Variants in NAB1 observed in about 807,000 individuals in gnomAD.
NAB1 encodes the protein NGFI-A binding protein 1, also known as NGFI-A-binding protein 1.
In NAB1, 25 loss-of-function variants were observed where a neutral mutation model predicts 49.9. The ratio of observed to expected loss-of-function variants is 0.50; its 90% CI spans 0.37 to 0.70. NAB1 has a LOEUF of 0.70. Among genes scored for constraint, NAB1 ranks in the 30% least tolerant of loss-of-function variants. NAB1 has a pLI of 0.00. For missense variants in NAB1, 489 were observed against 575.9 expected (o/e 0.85, Z 1.54); for synonymous variants, 198 against 215.6 (o/e 0.92, Z 0.71).
At chr2:190,658,818 ACTAT>A (rs1423727461) in intron 3 of NAB1, among the ~76,000 whole-genome samples, 1 of 152,246 alleles carries the variant, frequency 6.6e-6, no homozygotes, top group African/African-American at 2.4e-5. Context: ...GCTAAATTTG[ACTAT>A]CTTTCACTCC....
At chr2:190,668,027 C>G (rs1209898169) in intron 4 of NAB1, among the ~76,000 whole-genome samples, 1 of 151,984 alleles carries the variant, frequency 6.6e-6, no homozygotes, top group Non-Finnish European at 1.5e-5. Flanking sequence ...GTTTCATAGT[C>G]AAAGGGATGC....
chr2:190,653,969 CCT>C (rs2125563065), intron 2 of NAB1, among the ~76,000 whole-genome samples: 1 of 152,114 alleles, frequency 6.6e-6, no homozygotes, highest in East Asian at 1.9e-4. Flanking sequence ...AACAGGATGC[CCT>C]GTTATTGGAT....
chr2:190,675,603 T>A lies in NAB1; in HGVS notation c.1005+2451T>A, dbSNP rs1210254431. ...AGCTCTGGATTCAAAATTAAGATAATCAGTGTTACTTTTCCCTGTGAATAA... is the reference window on the plus strand; with the variant it reads ...AGCTCTGGATTCAAAATTAAGATAAACAGTGTTACTTTTCCCTGTGAATAA... On this transcript the variant is annotated intron_variant, in intron 6 of 9. Transcript: ENST00000337386. The surrounding 1 kb of genome is among the most constrained non-coding windows in gnomAD (Gnocchi z 5.2). Among the ~76,000 whole-genome samples, 2 of 152,184 alleles carry A rather than the reference T, an allele frequency of 1.3e-5. No individual in the cohort carries two copies. The highest frequency in any genetic ancestry group is 4.8e-5 in the African/African-American group (2 of 41,440).
At chr2:190,664,091 GTCTGT>G (rs1429637136) in intron 4 of NAB1, among the ~76,000 whole-genome samples, 1 of 152,122 alleles carries the variant, frequency 6.6e-6, no homozygotes, top group East Asian at 1.9e-4. Context: ...TTCTATATGT[GTCTGT>G]TCTAACAAGC....
At position 190,670,628 on chromosome 2, in the gene NAB1, G is replaced by T. The variant is rs1694755862; in HGVS notation, c.953+169G>T. Among the ~76,000 whole-genome samples the T allele has an allele frequency of 6.6e-6, 1 of 152,126 alleles. No individual in the cohort carries two copies. Among genetic ancestry groups the T allele is most frequent in the Non-Finnish European group, 1.5e-5 (1 of 68,010 alleles). On this transcript the variant is annotated intron_variant, in intron 5 of 9. Coordinates refer to ENST00000337386, the MANE Select transcript of NAB1 (RefSeq NM_005966.4). The surrounding 1 kb of genome is among the most constrained non-coding windows in gnomAD (Gnocchi z 5.3). The stretch of plus-strand genomic sequence containing the variant: ...TGAAAACATTGCCAAGGTGATTTTT[G>T]TTGTTTAATTCTCACTGTTCTCTTT...
intron 6 of NAB1, 84 bp from the exon 7 acceptor site, chr2:190,683,652 TAA>T (rs1695465691): frequency 1.2e-6 from 1 of 858,646 alleles, no homozygotes; most frequent in African/African-American, 1.7e-5. Flanking sequence ...GTAGTGAGAT[TAA>T]GAGTTTGCTT....
chr2:190,658,026 T>C (rs557727785), intron 3 of NAB1, among the ~76,000 whole-genome samples: 1 of 152,352 alleles, frequency 6.6e-6, no homozygotes, highest in South Asian at 2.1e-4. Flanking sequence ...CCTCTTTGTA[T>C]GTGGGAGGTC....
chr2:190,690,145 C>G, intron 9 of NAB1, 100 bp from the exon 10 acceptor site: 2 of 841,184 alleles, frequency 2.4e-6, no homozygotes, highest in South Asian at 1.5e-5. Flanking sequence ...ATAGTTGATA[C>G]TATTTGATAT....
In NAB1 at chr2:190,666,638, C is replaced by T. The variant is rs546440695; in HGVS notation, c.820-3688C>T. On this transcript the variant is annotated intron_variant, in intron 4 of 9. Coordinates refer to ENST00000337386, the MANE Select transcript of NAB1 (RefSeq NM_005966.4). This position sits in a 1 kb window ranked among gnomAD's most constrained non-coding sequence, Gnocchi z 5.6. ...ACAGGAGAATCGCTTGAACCCGGGG[C>T]GCTGAGGTTGCGCCACTGCATTCCA... Among the ~76,000 whole-genome samples, 59 of 151,852 alleles carry T rather than the reference C, an allele frequency of 3.9e-4. No individual in the cohort carries two copies. The highest frequency in any genetic ancestry group is 1.1e-3 in the African/African-American group (46 of 41,396).
rs987558498 is a variant in NAB1, at chr2:190,666,261, A to G, written c.820-4065A>G. ...CAGTTGTTCACAGTGTTTTTGTGCC[A>G]ACAGTACTTAAAGTCACAATCATTT... On this transcript the variant is annotated intron_variant, in intron 4 of 9. Transcript: ENST00000337386. The surrounding 1 kb of genome is among the most constrained non-coding windows in gnomAD (Gnocchi z 5.6). Among the ~76,000 whole-genome samples, 13 of 152,144 alleles carry G rather than the reference A, an allele frequency of 8.5e-5. No individual in the cohort carries two copies. The highest frequency in any genetic ancestry group is 1.8e-4 in the Non-Finnish European group (12 of 68,034).
At chr2:190,688,799 T>C (rs975970722) in intron 9 of NAB1, among the ~76,000 whole-genome samples, 6 of 151,924 alleles carry the variant, frequency 3.9e-5, no homozygotes, top group African/African-American at 1.2e-4. Context: ...TTCCTTCCTT[T>C]CTTTCCTTTC....
Position 190,654,171 on chromosome 2 carries a change from G to C in NAB1, c.-196-1806G>C, listed in dbSNP as rs1278540743. 6.6e-6 allele frequency among the ~76,000 whole-genome samples: 1 copy of C among 152,170 alleles called. No homozygotes were observed. The highest frequency in any genetic ancestry group is 2.4e-5 in the African/African-American group (1 of 41,442). ...GTAATGAAACCTAATTCCTACCCTT[G>C]GGGTGCTTATAACCTAACAGTGACT... On this transcript the variant is annotated intron_variant, in intron 2 of 9. Transcript: ENST00000337386. This position sits in a 1 kb window ranked among gnomAD's most constrained non-coding sequence, Gnocchi z 5.6.
chr2:190,658,836 T>C (rs145244440), intron 3 of NAB1, among the ~76,000 whole-genome samples: 50 of 152,362 alleles, frequency 3.3e-4, no homozygotes, highest in Non-Finnish European at 6.6e-4. Flanking sequence ...TCACTCCACC[T>C]GCGTCCAAAC....
intron 4 of NAB1, among the ~76,000 whole-genome samples, chr2:190,662,666 G>T (rs1484633248): frequency 6.6e-6 from 1 of 152,184 alleles, no homozygotes; most frequent in Non-Finnish European, 1.5e-5. Flanking sequence ...TGGATGAGGA[G>T]AGAGCAACTA....
Position 190,651,895 on chromosome 2 carries a change from T to A in NAB1, c.-197+1913T>A, listed in dbSNP as rs1486966160. On this transcript the variant is annotated intron_variant, in intron 2 of 9. Transcript: ENST00000337386. This position sits in a 1 kb window ranked among gnomAD's most constrained non-coding sequence, Gnocchi z 4.3. ...TTCATTGTGGAATTTGCTAAACATA[T>A]TATAGCATAAATAATACCCACTTGA... Among the ~76,000 whole-genome samples the A allele has an allele frequency of 6.6e-6, 1 of 152,222 alleles. No homozygotes were observed. The highest frequency in any genetic ancestry group is 1.5e-5 in the Non-Finnish European group (1 of 68,042).
intron 6 of NAB1, among the ~76,000 whole-genome samples, chr2:190,681,644 A>G (rs1695350384): frequency 6.6e-6 from 1 of 152,262 alleles, no homozygotes; most frequent in African/African-American, 2.4e-5. Context: ...ACATAGGACC[A>G]TCTTAAGACG....
chr2:190,665,726 G>A (rs1694481932), intron 4 of NAB1, among the ~76,000 whole-genome samples: 1 of 152,146 alleles, frequency 6.6e-6, no homozygotes, highest in African/African-American at 2.4e-5. Context: ...CCCACTTAGT[G>A]TGAATTATGG....
In NAB1 at chr2:190,682,228, T is replaced by C. The variant is rs1361425816; in HGVS notation, c.1006-1510T>C. ...GTATGTATTGATATACTTACTTATT[T>C]AGTAATTATTACATGCTGAAGGCAT... On this transcript the variant is annotated intron_variant, in intron 6 of 9. Transcript: ENST00000337386. This position sits in a 1 kb window ranked among gnomAD's most constrained non-coding sequence, Gnocchi z 4.1. Among the ~76,000 whole-genome samples, 1 of 152,216 alleles carries C rather than the reference T, an allele frequency of 6.6e-6. No individual in the cohort carries two copies. Among genetic ancestry groups the C allele is most frequent in the Non-Finnish European group, 1.5e-5 (1 of 68,032 alleles).
chr2:190,668,032 G>A (rs1694612939), intron 4 of NAB1, among the ~76,000 whole-genome samples: 2 of 152,090 alleles, frequency 1.3e-5, no homozygotes, highest in African/African-American at 4.8e-5. Context: ...ATAGTCAAAG[G>A]GATGCAAATT....
Sources: gnomAD v4.1 joint callset for allele counts (sites outside exome capture counted in the v4.1 genomes callset) on GRCh38, gnomAD v4.1.1 for gene constraint, Gnocchi (gnomAD v3.1) non-coding constraint, MANE v1.5 for transcripts, NCBI Gene and HGNC (gene_info 2026-07-23, HGNC 2026-07-21) for gene names.